ZFYVE9: variants seen among roughly 807,000 people sequenced by gnomAD.
ZFYVE9 encodes zinc finger FYVE-type containing 9.
ZFYVE9 carries 43 observed loss-of-function variants against 126.7 expected under a neutral mutation model. The observed-to-expected ratio is 0.34, with a 90% CI of 0.27 to 0.44. The LOEUF (loss-of-function observed/expected upper bound fraction) is 0.44, where lower values mean the gene tolerates loss of function less well. ZFYVE9 is among the 20% of genes least tolerant of loss of function. The probability of loss-of-function intolerance (pLI) is 1.00; values close to 1 mark genes in which losing one functional copy is unlikely to be tolerated. For missense variants in ZFYVE9, 1,476 were observed against 1,697.0 expected (o/e 0.87, Z 2.29); for synonymous variants, 521 against 597.4 (o/e 0.87, Z 1.87).
chr1:52,274,653 G>C (rs1645727995), intron 8 of ZFYVE9, 69 bp downstream of exon 8: 1 of 1,444,850 alleles, frequency 6.9e-7, no homozygotes, highest in Non-Finnish European at 9.3e-7. Context: ...TTAAGGTAGA[G>C]AGACAGAATT....
chr1:52,342,280 T>TC (rs1256619696), intron 17 of ZFYVE9, among the ~76,000 whole-genome samples: 194 of 151,088 alleles, frequency 1.3e-3, no homozygotes, highest in African/African-American at 4.3e-3. Flanking sequence ...TTTTTTTTTT[T>TC]TTTGAGACAG....
In ZFYVE9 at chr1:52,162,753, T is replaced by C. The variant is rs1197516764; in HGVS notation, c.-143+20350T>C. On this transcript the variant is annotated intron_variant, in intron 1 of 18. Coordinates refer to ENST00000287727, the MANE Select transcript of ZFYVE9 (RefSeq NM_004799.4). ...ATGACTTCGGCTCCTTCACTGCCAG[T>C]ATTCTGGTGTATATGAGCTACTTCG... 3 of 309,966 alleles carry C rather than the reference T, an allele frequency of 9.7e-6. No individual in the cohort carries two copies. In the East Asian group the frequency reaches 2.1e-4, roughly 22 times the overall value. 19.2% of individuals were successfully genotyped at this position (309,966 alleles called of 1,614,324 possible).
chr1:52,286,442 T>TAC (rs1330281046), intron 10 of ZFYVE9, among the ~76,000 whole-genome samples: 2 of 152,216 alleles, frequency 1.3e-5, no homozygotes, highest in South Asian at 2.1e-4. Context: ...CACATATATA[T>TAC]ACACACACAC....
At chr1:52,323,216 C>T (rs1323979572) in intron 13 of ZFYVE9, among the ~76,000 whole-genome samples, 1 of 152,204 alleles carries the variant, frequency 6.6e-6, no homozygotes, top group Non-Finnish European at 1.5e-5. Flanking sequence ...CCTCCAGGGC[C>T]TTGCACGTAT....
chr1:52,176,652 G>C (rs1304654808), intron 1 of ZFYVE9, among the ~76,000 whole-genome samples: 2 of 152,298 alleles, frequency 1.3e-5, no homozygotes, highest in East Asian at 3.9e-4. Context: ...CACCCAGTTC[G>C]AGCTTCCCGG....
intron 13 of ZFYVE9, among the ~76,000 whole-genome samples, chr1:52,318,400 G>A (rs1482359568): frequency 6.7e-6 from 1 of 149,874 alleles, no homozygotes; most frequent in Non-Finnish European, 1.5e-5. Flanking sequence ...GTGTGTGTGT[G>A]TGTGTGTGTG....
chr1:52,295,838 CTT>C (rs1287511628), intron 11 of ZFYVE9, 55 bp from the exon 12 acceptor site: 5 of 1,436,610 alleles, frequency 3.5e-6, no homozygotes, highest in Non-Finnish European at 4.9e-6. Context: ...CATGAAATCT[CTT>C]TTACCAAAGT....
chr1:52,209,134 A>G (rs1312795295), intron 1 of ZFYVE9, among the ~76,000 whole-genome samples: 3 of 152,162 alleles, frequency 2.0e-5, no homozygotes, highest in East Asian at 1.9e-4. Flanking sequence ...GGATCAGTTC[A>G]TAAGTGCTCT....
At chr1:52,166,834 C>G (rs982537244) in intron 1 of ZFYVE9, among the ~76,000 whole-genome samples, 7 of 152,030 alleles carry the variant, frequency 4.6e-5, no homozygotes, top group African/African-American at 1.7e-4. Flanking sequence ...CTGGGGAGGT[C>G]AAGGCTGCAG....
At chr1:52,300,856 T>C (rs1461996956) in intron 12 of ZFYVE9, among the ~76,000 whole-genome samples, 2 of 151,006 alleles carry the variant, frequency 1.3e-5, no homozygotes, top group African/African-American at 4.9e-5. Context: ...GTTGTTTAGG[T>C]TTTTTGGTTT....
chr1:52,233,380 A>C (rs1645242913), intron 3 of ZFYVE9, 104 bp downstream of exon 3: 1 of 627,774 alleles, frequency 1.6e-6, no homozygotes, highest in Admixed American at 3.7e-5. Flanking sequence ...CTGATGACTT[A>C]ATGATAGTAA....
rs565102090 is a variant in ZFYVE9 at position 52,160,264 on chromosome 1, A to C, written c.-143+17861A>C. ...GACTTTATTTTTCTCTTTTCAATTA[A>C]ATCTTTACAACAGTTCGAATGCTCT... On this transcript the variant is annotated intron_variant, in intron 1 of 18. Transcript: ENST00000287727. 14 of 893,838 alleles carry C rather than the reference A, an allele frequency of 1.6e-5. No homozygotes were observed. In the South Asian group the frequency reaches 1.6e-4, roughly 10 times the overall value. 55.4% of individuals were successfully genotyped at this position (893,838 alleles called of 1,614,324 possible). A position where few individuals can be genotyped will look rare whatever the true frequency, so the allele number is the denominator to read the frequency against.
At chr1:52,205,490 A>G (rs1398584883) in intron 1 of ZFYVE9, among the ~76,000 whole-genome samples, 1 of 151,746 alleles carries the variant, frequency 6.6e-6, no homozygotes. Flanking sequence ...CAGTCTCCTG[A>G]GTAGCTAGGT....
intron 3 of ZFYVE9, 23 bp downstream of exon 3, chr1:52,233,299 CTGTT>C (rs747590996): frequency 2.6e-6 from 4 of 1,547,158 alleles, no homozygotes; most frequent in Non-Finnish European, 3.5e-6. Flanking sequence ...ATTGGTGAAT[CTGTT>C]TGCCTATGTG....
At chr1:52,147,560 C>T (rs183471371) in intron 1 of ZFYVE9, among the ~76,000 whole-genome samples, 170 of 152,228 alleles carry the variant, frequency 1.1e-3, no homozygotes, top group African/African-American at 3.8e-3. Flanking sequence ...AGTGTCAGTA[C>T]TTCATTTCTT....
intron 13 of ZFYVE9, among the ~76,000 whole-genome samples, chr1:52,324,795 C>G (rs893599996): frequency 3.9e-5 from 6 of 152,094 alleles, no homozygotes; most frequent in African/African-American, 1.4e-4. Flanking sequence ...CTGTCTAAAG[C>G]CTTTGTTAAT....
chr1:52,223,591 A>G (rs1468782663), intron 2 of ZFYVE9, among the ~76,000 whole-genome samples: 1 of 152,130 alleles, frequency 6.6e-6, no homozygotes, highest in Non-Finnish European at 1.5e-5. Context: ...TCCTTGTCCC[A>G]GTGGGTCCTC....
At chr1:52,266,861 T>C in intron 6 of ZFYVE9, 30 bp downstream of exon 6, 1 of 1,522,910 alleles carries the variant, frequency 6.6e-7, no homozygotes, top group Non-Finnish European at 8.8e-7. Context: ...TCTCTCTCTT[T>C]TTCCTCACGA....
intron 12 of ZFYVE9, among the ~76,000 whole-genome samples, chr1:52,297,089 A>T (rs1645984089): frequency 6.6e-6 from 1 of 152,126 alleles, no homozygotes; most frequent in South Asian, 2.1e-4. Flanking sequence ...TACAGGCATG[A>T]GCCACTGCTC....
Sources: allele counts gnomAD v4.1 joint callset (sites outside exome capture counted in the v4.1 genomes callset), GRCh38; gene constraint gnomAD v4.1.1; transcripts MANE v1.5; gene names NCBI Gene and HGNC (gene_info 2026-07-23, HGNC 2026-07-21).